The following ARHGAP15 variants were observed in gnomAD, a reference collection of about 807,000 sequenced individuals.
The protein encoded by ARHGAP15 is Rho GTPase activating protein 15.
Under a neutral mutation model 63.7 loss-of-function variants are expected in ARHGAP15, and 51 were observed. The observed-to-expected ratio is 0.80, with a 90% CI of 0.64 to 1.01. The LOEUF (loss-of-function observed/expected upper bound fraction) is 1.01. ARHGAP15 is among the 50% of genes least tolerant of loss of function. The pLI is 0.00. For synonymous variants in ARHGAP15, 191 were observed against 193.8 expected (o/e 0.99, Z 0.12); for missense variants, 560 against 564.6 (o/e 0.99, Z 0.08).
intron 9 of ARHGAP15, among the ~76,000 whole-genome samples, chr2:143,500,255 A>AT (rs1692995396): frequency 2.0e-5 from 3 of 148,212 alleles, no homozygotes; most frequent in Non-Finnish European, 4.5e-5. Flanking sequence ...TTTTATATAT[A>AT]CTTTTTTAAT....
intron 6 of ARHGAP15, among the ~76,000 whole-genome samples, chr2:143,330,104 A>AC (rs1684450978): frequency 3.8e-5 from 3 of 78,526 alleles, no homozygotes; most frequent in African/African-American, 5.0e-5. Flanking sequence ...CAAAAAAAAA[A>AC]AAAAAAAAAA....
chr2:143,752,811 A>C (rs180981625), intron 13 of ARHGAP15, among the ~76,000 whole-genome samples: 98 of 152,294 alleles, frequency 6.4e-4, no homozygotes, highest in African/African-American at 2.2e-3. Context: ...GTCGTCCCAC[A>C]GTGGGCAGAA....
At chr2:143,189,654 G>A (rs1411735189) in intron 2 of ARHGAP15, among the ~76,000 whole-genome samples, 1 of 151,850 alleles carries the variant, frequency 6.6e-6, no homozygotes, top group Non-Finnish European at 1.5e-5. Flanking sequence ...TTAGGATGGG[G>A]TTTCACCATG....
At chr2:143,652,540 A>C (rs1039744379) in intron 12 of ARHGAP15, among the ~76,000 whole-genome samples, 1 of 152,108 alleles carries the variant, frequency 6.6e-6, no homozygotes, top group Admixed American at 6.5e-5. Flanking sequence ...TGACATTTTC[A>C]CAATATAGGG....
At chr2:143,468,659 AGAGAGTGT>A (rs1226309988) in intron 8 of ARHGAP15, among the ~76,000 whole-genome samples, 1 of 109,768 alleles carries the variant, frequency 9.1e-6, no homozygotes, top group African/African-American at 3.4e-5. Context: ...AGAGAGAGAG[AGAGAGTGT>A]GTGTGTGTGT....
intron 3 of ARHGAP15, among the ~76,000 whole-genome samples, chr2:143,203,038 T>C (rs1233915609): frequency 6.6e-6 from 1 of 152,178 alleles, no homozygotes; most frequent in Non-Finnish European, 1.5e-5. Context: ...ATTCAACTTG[T>C]CTTTCCTGCT....
chr2:143,331,753 TAA>T (rs1351512482), intron 6 of ARHGAP15, among the ~76,000 whole-genome samples: 1 of 152,094 alleles, frequency 6.6e-6, no homozygotes, highest in East Asian at 1.9e-4. Flanking sequence ...TCTTCTGAGG[TAA>T]AGAGAAATGG....
chr2:143,647,326 T>C (rs1264019948), intron 12 of ARHGAP15, among the ~76,000 whole-genome samples: 2 of 148,592 alleles, frequency 1.3e-5, no homozygotes, highest in African/African-American at 5.0e-5. Context: ...AGCAATCAAT[T>C]GAGCATGGTT....
chr2:143,622,781 T>TAAAA (rs34925907), intron 11 of ARHGAP15, among the ~76,000 whole-genome samples: 1 of 109,040 alleles, frequency 9.2e-6, no homozygotes, highest in Admixed American at 9.4e-5. Flanking sequence ...TTCATTTATT[T>TAAAA]AAAAAAAAAA....
chr2:143,556,387 A>G, intron 10 of ARHGAP15, 21 bp from the exon 11 acceptor site: 1 of 1,577,120 alleles, frequency 6.3e-7, no homozygotes, highest in Non-Finnish European at 8.6e-7. Context: ...GCTAATATAA[A>G]ATATGCCCTT....
intron 6 of ARHGAP15, among the ~76,000 whole-genome samples, chr2:143,394,078 A>C (rs1558941769): frequency 6.6e-6 from 1 of 152,194 alleles, no homozygotes; most frequent in Non-Finnish European, 1.5e-5. Context: ...TTATTGGTGC[A>C]TATACACAGT....
At chr2:143,444,268 A>T (rs994734434) in intron 8 of ARHGAP15, among the ~76,000 whole-genome samples, 1 of 152,228 alleles carries the variant, frequency 6.6e-6, no homozygotes, top group African/African-American at 2.4e-5. Context: ...TTTTATTGGC[A>T]TTAATACACT....
intron 9 of ARHGAP15, among the ~76,000 whole-genome samples, chr2:143,515,948 A>G (rs1693794971): frequency 6.6e-6 from 1 of 152,118 alleles, no homozygotes; most frequent in Non-Finnish European, 1.5e-5. Context: ...CCCATCATTC[A>G]TGCATTTGTT....
chr2:143,326,932 A>G (rs1442946779), intron 6 of ARHGAP15, among the ~76,000 whole-genome samples: 1 of 152,180 alleles, frequency 6.6e-6, no homozygotes, highest in African/African-American at 2.4e-5. Flanking sequence ...AGGCAAGAGA[A>G]AGAAAGAAAG....
chr2:143,269,338 A>G lies in ARHGAP15; in HGVS notation c.474+18738A>G, dbSNP rs79816161. Among the ~76,000 whole-genome samples the G allele has an allele frequency of 7.4e-4, 112 of 152,336 alleles. 2 individuals are homozygous for G. The East Asian group carries it at 0.016, about 22-fold the overall frequency. On this transcript the variant is annotated intron_variant, in intron 6 of 13. Transcript: ENST00000295095. ...ATTAAAGCTGTAATTTTTGTCACAT[A>G]TAAAAGAAATGAGTCTTACGGAAGT... is the stretch of plus-strand genomic sequence containing the variant.
chr2:143,274,025 T>C (rs1211173849), intron 6 of ARHGAP15, among the ~76,000 whole-genome samples: 1 of 152,244 alleles, frequency 6.6e-6, no homozygotes, highest in Admixed American at 6.5e-5. Flanking sequence ...GCTTTCTGCA[T>C]TTGGTGGCCA....
chr2:143,361,728 C>G (rs1000535373), intron 6 of ARHGAP15, among the ~76,000 whole-genome samples: 8 of 152,070 alleles, frequency 5.3e-5, no homozygotes, highest in African/African-American at 1.7e-4. Flanking sequence ...AGGTTCTCAT[C>G]ATCTATTAAT....
chr2:143,169,181 T>C (rs1690665486), intron 2 of ARHGAP15, among the ~76,000 whole-genome samples: 1 of 152,058 alleles, frequency 6.6e-6, no homozygotes, highest in African/African-American at 2.4e-5. Context: ...CATGAAAATT[T>C]GTATTTGTGA....
chr2:143,528,679 T>G (rs189181779), intron 10 of ARHGAP15, among the ~76,000 whole-genome samples: 1 of 152,268 alleles, frequency 6.6e-6, no homozygotes, highest in Non-Finnish European at 1.5e-5. Flanking sequence ...TTTCTTCTTT[T>G]AAAATGATGT....
Sources: allele counts gnomAD v4.1 joint callset (sites outside exome capture counted in the v4.1 genomes callset), GRCh38; gene constraint gnomAD v4.1.1; transcripts MANE v1.5; gene names NCBI Gene and HGNC (gene_info 2026-07-23, HGNC 2026-07-21).